The following DLG2 variants were observed in gnomAD, a reference collection of about 807,000 sequenced individuals.
The protein encoded by DLG2 is discs large MAGUK scaffold protein 2, also known as disks large homolog 2.
DLG2 carries 45 observed loss-of-function variants against 132.5 expected under a neutral mutation model. The ratio of observed to expected loss-of-function variants is 0.34; its 90% confidence interval spans 0.27 to 0.44. The LOEUF is 0.44. Among genes scored for constraint, DLG2 ranks in the 20% least tolerant of loss-of-function variants. The probability of loss-of-function intolerance (pLI) is 1.00; values close to 1 mark genes in which losing one functional copy is unlikely to be tolerated. For synonymous variants in DLG2, 424 were observed against 419.6 expected (o/e 1.01, Z -0.13); for missense variants, 1,045 against 1,196.9 (o/e 0.87, Z 1.87).
Position 84,098,716 on chromosome 11 carries a change from T to C in DLG2, c.749+207A>G, listed in dbSNP as rs1009704632. Among the ~76,000 whole-genome samples, 6 of 152,178 alleles carry C rather than the reference T, an allele frequency of 3.9e-5. No individual in the cohort carries two copies. The East Asian group carries it at 9.6e-4, about 24-fold the overall frequency. On this transcript the variant is annotated intron_variant, in intron 10 of 27. Transcript: ENST00000376104. ...TCACAGTGCCTGGCCCAATGTTCAA[T>C]GTGGTACCTACCAACGAACACAAAT... is the stretch of plus-strand genomic sequence containing the variant.
chr11:85,493,933 T>C (rs2093617050), intron 3 of DLG2, among the ~76,000 whole-genome samples: 1 of 152,140 alleles, frequency 6.6e-6, no homozygotes, highest in Non-Finnish European at 1.5e-5. Context: ...AAGGCACCAG[T>C]AGGATTGGCA....
intron 19 of DLG2, among the ~76,000 whole-genome samples, chr11:83,562,236 G>C (rs1359858954): frequency 6.6e-6 from 1 of 152,000 alleles, no homozygotes; most frequent in Non-Finnish European, 1.5e-5. Flanking sequence ...AAGACTTAAA[G>C]TGACTCTTTA....
chr11:84,227,904 A>G (rs2097027147), intron 8 of DLG2, among the ~76,000 whole-genome samples: 1 of 136,684 alleles, frequency 7.3e-6, no homozygotes, highest in East Asian at 2.2e-4. Flanking sequence ...ACAGAGTGAG[A>G]CTCCATCTCA....
intron 8 of DLG2, among the ~76,000 whole-genome samples, chr11:84,178,428 G>GT (rs1269262288): frequency 6.6e-6 from 1 of 152,092 alleles, no homozygotes; most frequent in Non-Finnish European, 1.5e-5. Context: ...ATGAAAGGTC[G>GT]TGAGTATCCT....
intron 19 of DLG2, among the ~76,000 whole-genome samples, chr11:83,601,984 C>T (rs1311042723): frequency 6.6e-6 from 1 of 152,120 alleles, no homozygotes; most frequent in African/African-American, 2.4e-5. Flanking sequence ...GACTCCAGCT[C>T]CCAAAGCACT....
At chr11:84,202,952 G>C (rs1328542675) in intron 8 of DLG2, among the ~76,000 whole-genome samples, 4 of 152,084 alleles carry the variant, frequency 2.6e-5, no homozygotes, top group Non-Finnish European at 5.9e-5. Flanking sequence ...TTATTTAAAA[G>C]TCAAACAACA....
chr11:84,351,291 C>G (rs920935881), intron 7 of DLG2, among the ~76,000 whole-genome samples: 1 of 152,066 alleles, frequency 6.6e-6, no homozygotes, highest in South Asian at 2.1e-4. Flanking sequence ...AGGTGCTCCC[C>G]TGACTTCATC....
At chr11:83,907,961 C>G (rs1412021513) in intron 15 of DLG2, among the ~76,000 whole-genome samples, 1 of 152,146 alleles carries the variant, frequency 6.6e-6, no homozygotes, top group African/African-American at 2.4e-5. Context: ...CCTCAGCTTC[C>G]CAAGTAGCTT....
intron 7 of DLG2, among the ~76,000 whole-genome samples, chr11:84,532,972 G>A (rs1342589875): frequency 6.6e-6 from 1 of 152,082 alleles, no homozygotes. Context: ...CTAACTCTAG[G>A]AATCAGCAAG....
At chr11:84,132,380 T>C (rs1302024026) in intron 9 of DLG2, among the ~76,000 whole-genome samples, 3 of 151,920 alleles carry the variant, frequency 2.0e-5, no homozygotes, top group Non-Finnish European at 4.4e-5. Flanking sequence ...GTGCAGATGC[T>C]TAGAAACATA....
intron 18 of DLG2, among the ~76,000 whole-genome samples, chr11:83,733,168 G>C (rs957811880): frequency 1.4e-5 from 2 of 146,904 alleles, no homozygotes; most frequent in Non-Finnish European, 3.0e-5. Context: ...TTGAACTTGG[G>C]AGGCAGAGGT....
intron 3 of DLG2, among the ~76,000 whole-genome samples, chr11:85,346,084 G>A (rs904008734): frequency 2.0e-5 from 3 of 151,964 alleles, no homozygotes; most frequent in Admixed American, 6.6e-5. Flanking sequence ...AGAGTAGGAC[G>A]TTCCTGAAAG....
At chr11:85,578,690 C>T (rs1395308623) in intron 3 of DLG2, among the ~76,000 whole-genome samples, 1 of 152,186 alleles carries the variant, frequency 6.6e-6, no homozygotes, top group Non-Finnish European at 1.5e-5. Flanking sequence ...GATACCACCT[C>T]ACACCAGTTA....
At chr11:83,866,155 C>G (rs180780245) in intron 16 of DLG2, among the ~76,000 whole-genome samples, 1 of 152,152 alleles carries the variant, frequency 6.6e-6, no homozygotes, top group East Asian at 1.9e-4. Context: ...CTCATTTTCT[C>G]CCCCAGACTG....
intron 4 of DLG2, among the ~76,000 whole-genome samples, chr11:85,246,455 C>G (rs370406271): frequency 3.0e-4 from 46 of 151,880 alleles, no homozygotes; most frequent in African/African-American, 9.9e-4. Flanking sequence ...AATAAAGCCC[C>G]ATATGCTTAA....
intron 6 of DLG2, among the ~76,000 whole-genome samples, chr11:84,931,342 T>C (rs2048063558): frequency 6.6e-6 from 1 of 152,120 alleles, no homozygotes; most frequent in Non-Finnish European, 1.5e-5. Flanking sequence ...AAATTGAATG[T>C]CTTTGTGTCA....
At chr11:84,313,657 G>GAAAGAAAGAAAGAAAA (rs1567260908) in intron 7 of DLG2, among the ~76,000 whole-genome samples, 2 of 149,816 alleles carry the variant, frequency 1.3e-5, no homozygotes, top group African/African-American at 2.5e-5. Flanking sequence ...AAGAAAGAAA[G>GAAAGAAAGAAAGAAAA]AAAGAAAGAA....
rs746906895 is a variant in DLG2 at position 85,154,545 on chromosome 11, A to G, written c.282+11T>C. 2.9e-5 allele frequency: 39 copies of G among 1,342,052 alleles called. No individual in the cohort carries two copies. In the East Asian group the frequency reaches 6.0e-4, roughly 21 times the overall value. 83.1% of individuals were successfully genotyped at this position (1,342,052 alleles called of 1,614,324 possible). On this transcript the variant is annotated intron_variant, in intron 5 of 27. Coordinates refer to ENST00000376104, the MANE Select transcript of DLG2 (RefSeq NM_001142699.3). ...AAGCCTAGTAAGAAAAGAAAACAGT[A>G]TAACACTTACAGTTGTCGTCTCATC...
Position 83,850,160 on chromosome 11 carries a change from G to GTGTGTGTGTTT in DLG2, c.1566-16391_1566-16390insAAACACACACA, listed in dbSNP as rs1452960432. Among the ~76,000 whole-genome samples, 202 of 124,360 alleles carry GTGTGTGTGTTT rather than the reference G, an allele frequency of 1.6e-3. 2 individuals carry two copies. The highest frequency in any genetic ancestry group is 6.2e-3 in the African/African-American group (171 of 27,710). 81.6% of individuals were successfully genotyped at this position (124,360 alleles called of 152,430 possible). On this transcript the variant is annotated intron_variant, in intron 16 of 27. Transcript: ENST00000376104. ...TGTGTGTGTGTGTGTGTGTGTGTGTGTTTTTTTACTTGAGACGGAGTCTCA... is the reference window on the plus strand; with the variant it reads ...TGTGTGTGTGTGTGTGTGTGTGTGTGTGTGTGTGTTTTTTTTTTACTTGAGACGGAGTCTCA...
Sources: allele counts gnomAD v4.1 joint callset (sites outside exome capture counted in the v4.1 genomes callset), GRCh38; gene constraint gnomAD v4.1.1; transcripts MANE v1.5; gene names NCBI Gene and HGNC (gene_info 2026-07-23, HGNC 2026-07-21).